Variants in CPO observed in about 807,000 individuals in gnomAD.
The protein encoded by CPO is carboxypeptidase O.
A neutral mutation model predicts 41.2 loss-of-function variants in CPO; 43 were observed. The ratio of observed to expected loss-of-function variants is 1.04; its 90% CI spans 0.82 to 1.35. CPO has a LOEUF of 1.35. Ranked by LOEUF, CPO falls within the 40% of genes most tolerant of loss-of-function variation. The probability of loss-of-function intolerance (pLI) is 0.00; values close to 1 mark genes in which losing one functional copy is unlikely to be tolerated. For missense variants in CPO, 408 were observed against 451.7 expected (o/e 0.90, Z 0.88); for synonymous variants, 178 against 162.7 (o/e 1.09, Z -0.72).
intron 7 of CPO, among the ~76,000 whole-genome samples, chr2:206,965,179 C>T (rs1053810846): frequency 6.6e-6 from 1 of 152,212 alleles, no homozygotes; most frequent in Non-Finnish European, 1.5e-5. Context: ...GTATCTCTTA[C>T]AGTCTCAGGT....
chr2:206,956,209 T>A (rs1559072031), intron 3 of CPO, among the ~76,000 whole-genome samples: 1 of 152,168 alleles, frequency 6.6e-6, no homozygotes, highest in Non-Finnish European at 1.5e-5. Context: ...CAATTCAGGC[T>A]GCACATTAAA....
At chr2:206,954,974 C>T (rs1693331049) in intron 2 of CPO, among the ~76,000 whole-genome samples, 1 of 152,162 alleles carries the variant, frequency 6.6e-6, no homozygotes, top group Non-Finnish European at 1.5e-5. Context: ...CAGAGTCCCT[C>T]CCATGACATG....
At chr2:206,965,859 C>G (rs1574357209) in intron 7 of CPO, among the ~76,000 whole-genome samples, 1 of 152,230 alleles carries the variant, frequency 6.6e-6, no homozygotes, top group South Asian at 2.1e-4. Flanking sequence ...GAAACTGGCT[C>G]TATTATAGCC....
chr2:206,945,484 T>C (rs746979312), intron 1 of CPO, among the ~76,000 whole-genome samples: 2 of 152,186 alleles, frequency 1.3e-5, no homozygotes, highest in African/African-American at 2.4e-5. Flanking sequence ...ATTCAACAAA[T>C]GTTTGTGCGG....
At chr2:206,956,766 A>G (rs1223909277) in intron 3 of CPO, among the ~76,000 whole-genome samples, 1 of 152,198 alleles carries the variant, frequency 6.6e-6, no homozygotes, top group Non-Finnish European at 1.5e-5. Context: ...CTTACTACTT[A>G]GTGTAGGTGT....
chr2:206,944,408 A>G (rs1559068698), intron 1 of CPO, among the ~76,000 whole-genome samples: 1 of 152,050 alleles, frequency 6.6e-6, no homozygotes, highest in Non-Finnish European at 1.5e-5. Flanking sequence ...ATATTTTTAT[A>G]TTAAAATTTC....
intron 1 of CPO, among the ~76,000 whole-genome samples, chr2:206,942,768 A>G (rs914931954): frequency 6.6e-6 from 1 of 152,196 alleles, no homozygotes; most frequent in Non-Finnish European, 1.5e-5. Context: ...TGTTTTATGC[A>G]TCACCCAAGA....
chr2:206,946,779 A>G (rs1049619677), intron 1 of CPO, among the ~76,000 whole-genome samples: 7 of 152,170 alleles, frequency 4.6e-5, no homozygotes, highest in Non-Finnish European at 1.0e-4. Flanking sequence ...TACAAAGTTA[A>G]TATTAGAAAG....
chr2:206,948,956 T>C (rs1693198989), intron 1 of CPO, among the ~76,000 whole-genome samples: 1 of 152,140 alleles, frequency 6.6e-6, no homozygotes, highest in Admixed American at 6.6e-5. Context: ...CAGGGAAGAT[T>C]GTGCATGTGT....
chr2:206,951,114 C>T (rs1559070755), intron 2 of CPO, among the ~76,000 whole-genome samples: 1 of 151,674 alleles, frequency 6.6e-6, no homozygotes, highest in Non-Finnish European at 1.5e-5. Flanking sequence ...AAAAAATTAT[C>T]TTGCATGTAC....
chr2:206,967,354 T>TATATATAG (rs1693599404), intron 7 of CPO, among the ~76,000 whole-genome samples: 1 of 111,106 alleles, frequency 9.0e-6, no homozygotes, highest in African/African-American at 3.2e-5. Flanking sequence ...TATATATAGA[T>TATATATAG]ATATAGATAT....
At chr2:206,943,760 AGATAGATAGAT>A (rs1693086727) in intron 1 of CPO, among the ~76,000 whole-genome samples, 2 of 146,344 alleles carry the variant, frequency 1.4e-5, no homozygotes, top group African/African-American at 5.4e-5. Flanking sequence ...ATAGATAGAT[AGATAGATAGAT>A]AGATAGATGA....
intron 2 of CPO, among the ~76,000 whole-genome samples, chr2:206,952,373 A>G (rs1468242235): frequency 6.6e-6 from 1 of 152,120 alleles, no homozygotes; most frequent in African/African-American, 2.4e-5. Context: ...TTGGCCTCCC[A>G]AAGTGCTGGG....
intron 4 of CPO, among the ~76,000 whole-genome samples, chr2:206,958,728 GTTTTTT>G (rs752377148): frequency 4.9e-4 from 26 of 53,334 alleles, no homozygotes; most frequent in African/African-American, 6.2e-4. Flanking sequence ...AAATTTTCTA[GTTTTTT>G]TTTTTTTTTT....
intron 7 of CPO, among the ~76,000 whole-genome samples, chr2:206,964,753 G>A (rs192294782): frequency 1.3e-5 from 2 of 152,296 alleles, no homozygotes; most frequent in East Asian, 3.9e-4. Context: ...GATATTTGTT[G>A]TAGATTCCTA....
intron 1 of CPO, among the ~76,000 whole-genome samples, chr2:206,947,377 C>T (rs1396889338): frequency 6.6e-6 from 1 of 152,140 alleles, no homozygotes; most frequent in Non-Finnish European, 1.5e-5. Context: ...TAGACATAGA[C>T]ATCGCACCTT....
intron 2 of CPO, among the ~76,000 whole-genome samples, chr2:206,950,717 C>A (rs1693244806): frequency 6.6e-6 from 1 of 152,106 alleles, no homozygotes; most frequent in Non-Finnish European, 1.5e-5. Flanking sequence ...AAATGTGGCA[C>A]ATATACACCA....
chr2:206,959,755 G>A lies in CPO; in HGVS notation c.483+14G>A. On this transcript the variant is annotated intron_variant, in intron 5 of 8. Coordinates refer to ENST00000272852, the MANE Select transcript of CPO (RefSeq NM_173077.3). ...ACTTGGACAACTGTGAGTACACCATGTTTGGTCCTGGGATGAGTTCATGAA... is the reference window on the plus strand; with the variant it reads ...ACTTGGACAACTGTGAGTACACCATATTTGGTCCTGGGATGAGTTCATGAA... 1.7e-6 allele frequency: 2 copies of A among 1,160,584 alleles called. No homozygotes were observed. The highest frequency in any genetic ancestry group is 1.3e-6 in the Non-Finnish European group (1 of 768,844). 71.9% of individuals were successfully genotyped at this position (1,160,584 alleles called of 1,614,324 possible). A position where few individuals can be genotyped will look rare whatever the true frequency, so the allele number is the denominator to read the frequency against.
At chr2:206,940,214 CCTG>C (rs1402840068) in intron 1 of CPO, among the ~76,000 whole-genome samples, 3 of 152,032 alleles carry the variant, frequency 2.0e-5, no homozygotes, top group African/African-American at 7.2e-5. Context: ...TTAGTCAATT[CCTG>C]CTTTTTCATT....
Sources: gnomAD v4.1 joint callset for allele counts (sites outside exome capture counted in the v4.1 genomes callset) on GRCh38, gnomAD v4.1.1 for gene constraint, MANE v1.5 for transcripts, NCBI Gene and HGNC (gene_info 2026-07-23, HGNC 2026-07-21) for gene names.